SLC1A2: variants seen among roughly 807,000 people sequenced by gnomAD.
SLC1A2 encodes the protein solute carrier family 1 member 2.
In SLC1A2, 15 loss-of-function variants were observed where a neutral mutation model predicts 48.8. The ratio of observed to expected loss-of-function variants is 0.31; its 90% CI spans 0.21 to 0.47. SLC1A2 has a LOEUF of 0.47. Among genes scored for constraint, SLC1A2 ranks in the 20% least tolerant of loss-of-function variants. The pLI, the probability that SLC1A2 is intolerant of heterozygous loss-of-function variation, is 0.99. For synonymous variants in SLC1A2, 279 were observed against 272.6 expected, an observed-to-expected ratio of 1.02 and a Z score of -0.23; for missense variants, 502 against 730.5, an observed-to-expected ratio of 0.69 and a Z score of 3.61.
chr11:35,287,699 C>A (rs1341776576), intron 7 of SLC1A2, among the ~76,000 whole-genome samples: 6 of 152,184 alleles, frequency 3.9e-5, no homozygotes, highest in African/African-American at 1.4e-4. Flanking sequence ...ACCACATGAC[C>A]AAGCCTCGAA....
intron 10 of SLC1A2, 103 bp downstream of exon 10, chr11:35,265,424 T>C (rs1005664167): frequency 5.9e-6 from 4 of 677,070 alleles, no homozygotes; most frequent in Non-Finnish European, 1.0e-5. Flanking sequence ...GGAAAATAAA[T>C]GTGACAATAA....
chr11:35,263,927 A>T (rs976318932), intron 10 of SLC1A2: 23 of 152,244 alleles, frequency 1.5e-4, no homozygotes, highest in African/African-American at 5.3e-4. Context: ...TAAATATACT[A>T]GAACATAAAG....
rs1399573077 is a variant in SLC1A2 at position 35,292,410 on chromosome 11, C to A, written c.968G>T (p.Gly323Val). The A allele has an allele frequency of 6.2e-7, 1 of 1,613,676 alleles. No homozygotes were observed. The highest frequency in any genetic ancestry group is 8.5e-7 in the Non-Finnish European group (1 of 1,179,644). ...LGMYMVTVII[G>V]LIIHGGIFLP... Reference sequence around the variant, plus strand: ...AAAGATGCCCCCGTGGATGATGAGGCCTATGATCACTGTTACCATGTACAT... The same window carrying A: ...AAAGATGCCCCCGTGGATGATGAGGACTATGATCACTGTTACCATGTACAT... Residue 323 changes from glycine (G) to valine (V), a missense_variant, in exon 7 of 11, where the codon GGC becomes GTC. By Grantham distance (109) the Gly-to-Val change is moderately radical (BLOSUM62 -3). Around this residue, in one of 4 missense-constraint regions of SLC1A2, gnomAD observed 309 missense variants for 480.3 expected, o/e 0.64. Coordinates refer to ENST00000278379, the MANE Select transcript of SLC1A2 (RefSeq NM_004171.4).
At position 35,306,093 on chromosome 11, in the gene SLC1A2, C is replaced by T. The variant is rs35330053; in HGVS notation, c.711G>A (p.Lys237=). 4.4e-4 allele frequency: 712 copies of T among 1,613,964 alleles called. 5 individuals carry two copies. In the African/African-American group the frequency reaches 8.3e-3, roughly 19 times the overall value. ...KMVIKKGLEF[K]DGMNVLGLIG... ...GCCTACCTAAGACGTTCATCCCATC[C>T]TTGAACTCCAGGCCCTTCTTGATAA... Residue 237 remains lysine, a synonymous_variant, in exon 5 of 11, where the codon AAG becomes AAA. Coordinates refer to ENST00000278379, the MANE Select transcript of SLC1A2 (RefSeq NM_004171.4).
intron 1 of SLC1A2, among the ~76,000 whole-genome samples, chr11:35,335,673 T>C (rs907838760): frequency 6.6e-6 from 1 of 152,158 alleles, no homozygotes; most frequent in African/African-American, 2.4e-5. Context: ...CAAAATCTGA[T>C]CCAGTCTCAC....
chr11:35,386,509 G>A (rs1044962749), intron 1 of SLC1A2, among the ~76,000 whole-genome samples: 1 of 152,126 alleles, frequency 6.6e-6, no homozygotes, highest in Admixed American at 6.5e-5. Flanking sequence ...TACTCAGATG[G>A]CTATTTCAAG....
intron 1 of SLC1A2, 47 bp downstream of exon 1, chr11:35,418,903 C>T: frequency 1.3e-6 from 2 of 1,540,324 alleles, no homozygotes; most frequent in Non-Finnish European, 1.8e-6. Context: ...GCCACCACCC[C>T]GCGCGTGACC....
At chr11:35,304,423 T>C (rs1400356251) in intron 5 of SLC1A2, among the ~76,000 whole-genome samples, 1 of 152,072 alleles carries the variant, frequency 6.6e-6, no homozygotes, top group Non-Finnish European at 1.5e-5. Context: ...GAAAGGAACA[T>C]AGATAGCTGG....
At chr11:35,299,042 A>T (rs1296457570) in intron 6 of SLC1A2, 3 of 152,254 alleles carry the variant, frequency 2.0e-5, no homozygotes, top group Non-Finnish European at 2.9e-5. Context: ...TGAAGGACTT[A>T]AAAAATATGT....
intron 1 of SLC1A2, among the ~76,000 whole-genome samples, chr11:35,327,165 A>T (rs1852276607): frequency 6.6e-6 from 1 of 152,208 alleles, no homozygotes; most frequent in African/African-American, 2.4e-5. Context: ...CCAGATGCTC[A>T]TTTCACATGA....
At chr11:35,331,154 G>A (rs972322228) in intron 1 of SLC1A2, among the ~76,000 whole-genome samples, 3 of 152,178 alleles carry the variant, frequency 2.0e-5, no homozygotes, top group African/African-American at 7.2e-5. Flanking sequence ...CCCTTCCTGA[G>A]ATGTAGGCTG....
intron 1 of SLC1A2, among the ~76,000 whole-genome samples, chr11:35,366,294 T>G (rs1241042932): frequency 6.6e-6 from 1 of 152,106 alleles, no homozygotes; most frequent in Admixed American, 6.5e-5. Context: ...ACGTCCCTCC[T>G]CTCTGTCCCT....
chr11:35,271,580 G>A (rs1850280116), intron 9 of SLC1A2, among the ~76,000 whole-genome samples: 1 of 152,176 alleles, frequency 6.6e-6, no homozygotes, highest in South Asian at 2.1e-4. Flanking sequence ...GATCAGGTGA[G>A]ATGAGGGTAA....
chr11:35,316,843 A>C (rs1412304444), intron 2 of SLC1A2: 1 of 152,706 alleles, frequency 6.5e-6, no homozygotes, highest in East Asian at 1.9e-4. Flanking sequence ...GACTTGCAAG[A>C]TGGAGCTGGA....
chr11:35,273,403 C>A (rs1052925812), intron 9 of SLC1A2, among the ~76,000 whole-genome samples: 2 of 152,198 alleles, frequency 1.3e-5, no homozygotes, highest in Non-Finnish European at 2.9e-5. Flanking sequence ...GATTTCTTAG[C>A]CTGTCCTGCT....
At chr11:35,388,680 C>A (rs1854658814) in intron 1 of SLC1A2, among the ~76,000 whole-genome samples, 1 of 152,242 alleles carries the variant, frequency 6.6e-6, no homozygotes, top group South Asian at 2.1e-4. Flanking sequence ...CAGGCATGAG[C>A]CACCATGCCC....
rs113611517 is a variant in SLC1A2, at chr11:35,414,524, C to G, written c.17+4426G>C. On this transcript the variant is annotated intron_variant, in intron 1 of 10. Coordinates refer to ENST00000278379, the MANE Select transcript of SLC1A2 (RefSeq NM_004171.4). ...CAAGGAGTTGGCACTTGGAGAGTTG[C>G]GGGGTGAGGGGCGGGCAGAGGGAGG... 4.9e-3 allele frequency among the ~76,000 whole-genome samples: 739 copies of G among 152,106 alleles called. 2 individuals carry two copies. The highest frequency in any genetic ancestry group is 0.017 in the African/African-American group (712 of 41,486).
intron 10 of SLC1A2, chr11:35,261,663 A>G (rs899910018): frequency 5.0e-6 from 2 of 398,598 alleles, no homozygotes; most frequent in African/African-American, 4.1e-5. Context: ...TAGTTTTCCT[A>G]GCTTACCTTC....
chr11:35,379,328 T>C (rs1434352605), intron 1 of SLC1A2, among the ~76,000 whole-genome samples: 1 of 152,268 alleles, frequency 6.6e-6, no homozygotes, highest in Non-Finnish European at 1.5e-5. Context: ...CTGTTATTAC[T>C]AATAAAATTT....
Sources: allele counts gnomAD v4.1 joint callset (sites outside exome capture counted in the v4.1 genomes callset), GRCh38; gene constraint gnomAD v4.1.1; regional missense constraint gnomAD v4.1.1; transcripts MANE v1.5; gene names NCBI Gene and HGNC (gene_info 2026-07-23, HGNC 2026-07-21).